Variants in SORCS3 observed in about 807,000 individuals in gnomAD.
The protein encoded by SORCS3 is sortilin related VPS10 domain containing receptor 3.
In SORCS3, 57 loss-of-function variants were observed where a neutral mutation model predicts 146.3. The ratio of observed to expected loss-of-function variants is 0.39; its 90% CI spans 0.31 to 0.49. The LOEUF is 0.49. SORCS3 is among the 20% of genes least tolerant of loss of function. The probability of loss-of-function intolerance (pLI) is 0.92; values close to 1 mark genes in which losing one functional copy is unlikely to be tolerated. For missense variants in SORCS3, 1,341 were observed against 1,575.5 expected, an observed-to-expected ratio of 0.85 and a Z score of 2.52; for synonymous variants, 653 against 618.5, an observed-to-expected ratio of 1.06 and a Z score of -0.83.
In SORCS3 at chr10:105,237,427, G is replaced by A. The variant is rs137919094; in HGVS notation, c.2869-8115G>A. The stretch of plus-strand genomic sequence containing the variant: ...ATTTGGAAGTATTAGTCACTGTTGT[G>A]CCCATCATTTGCATTAATAGCATTT... On this transcript the variant is annotated intron_variant, in intron 20 of 26. Transcript: ENST00000369701. 7.9e-5 allele frequency among the ~76,000 whole-genome samples: 12 copies of A among 152,288 alleles called. No individual in the cohort carries two copies. In the East Asian group the frequency reaches 1.2e-3, roughly 15 times the overall value.
intron 1 of SORCS3, among the ~76,000 whole-genome samples, chr10:104,840,934 C>T (rs1333941431): frequency 6.6e-6 from 1 of 151,526 alleles, no homozygotes. Context: ...AGCTTTTTTA[C>T]TTTTTCCAGA....
intron 4 of SORCS3, among the ~76,000 whole-genome samples, chr10:105,019,713 T>C (rs568145622): frequency 6.6e-6 from 1 of 152,322 alleles, no homozygotes; most frequent in Admixed American, 6.5e-5. Flanking sequence ...TGTTCCATGA[T>C]GCACATTTTG....
chr10:104,991,200 A>G (rs1173440386), intron 4 of SORCS3, among the ~76,000 whole-genome samples: 1 of 152,158 alleles, frequency 6.6e-6, no homozygotes, highest in African/African-American at 2.4e-5. Context: ...TGTTCTCTAT[A>G]TTGTTTACTT....
intron 1 of SORCS3, among the ~76,000 whole-genome samples, chr10:104,802,969 G>A (rs917854885): frequency 7.3e-6 from 1 of 137,418 alleles, no homozygotes; most frequent in Non-Finnish European, 1.6e-5. Flanking sequence ...GGTCCAGAGA[G>A]GGGAGGTAGT....
chr10:104,855,235 G>GTAAGCC (rs2018316868), intron 2 of SORCS3, among the ~76,000 whole-genome samples: 1 of 152,118 alleles, frequency 6.6e-6, no homozygotes, highest in Non-Finnish European at 1.5e-5. Flanking sequence ...TAGTGATATG[G>GTAAGCC]TAAGCCTTAA....
intron 1 of SORCS3, among the ~76,000 whole-genome samples, chr10:104,836,772 G>A (rs966199438): frequency 6.6e-6 from 1 of 151,800 alleles, no homozygotes; most frequent in African/African-American, 2.4e-5. Flanking sequence ...TGGATCCTGC[G>A]TATATCATGG....
intron 7 of SORCS3, among the ~76,000 whole-genome samples, chr10:105,126,757 G>T (rs1416609454): frequency 6.6e-6 from 1 of 152,106 alleles, no homozygotes; most frequent in African/African-American, 2.4e-5. Context: ...TGTCTTAGTT[G>T]TCCATCTACA....
chr10:104,654,325 C>T (rs1289278576), intron 1 of SORCS3, among the ~76,000 whole-genome samples: 18 of 152,110 alleles, frequency 1.2e-4, no homozygotes, highest in Admixed American at 1.1e-3. Flanking sequence ...TAACCAGCAG[C>T]GGGATTGCTG....
At chr10:105,222,123 A>AT (rs35689149) in intron 19 of SORCS3, among the ~76,000 whole-genome samples, 9,775 of 127,742 alleles carry the variant, frequency 0.077, 401 homozygotes, top group Middle Eastern at 0.28. Context: ...CAATGGTGCG[A>AT]TTTTGGCTCA....
At chr10:104,675,540 C>A (rs915879823) in intron 1 of SORCS3, among the ~76,000 whole-genome samples, 1 of 151,996 alleles carries the variant, frequency 6.6e-6, no homozygotes, top group Admixed American at 6.6e-5. Flanking sequence ...GTGATTCTTC[C>A]AGAATTTGTT....
At chr10:104,888,129 TAGTG>T (rs1252951950) in intron 2 of SORCS3, among the ~76,000 whole-genome samples, 6 of 152,238 alleles carry the variant, frequency 3.9e-5, no homozygotes, top group Non-Finnish European at 5.9e-5. Context: ...AGATTTCTTT[TAGTG>T]AGCATTGTAA....
At chr10:105,192,954 A>G (rs375718141) in intron 14 of SORCS3, among the ~76,000 whole-genome samples, 25 of 152,316 alleles carry the variant, frequency 1.6e-4, no homozygotes, top group African/African-American at 6.0e-4. Flanking sequence ...TCCTCTAATT[A>G]CATTTAGTGT....
intron 1 of SORCS3, among the ~76,000 whole-genome samples, chr10:104,718,429 C>G (rs2016505254): frequency 6.6e-6 from 1 of 152,154 alleles, no homozygotes; most frequent in Admixed American, 6.5e-5. Flanking sequence ...ATGACATAAT[C>G]ACCTCTTAAA....
At chr10:104,835,548 T>C (rs1434079370) in intron 1 of SORCS3, among the ~76,000 whole-genome samples, 2 of 152,222 alleles carry the variant, frequency 1.3e-5, no homozygotes, top group Non-Finnish European at 2.9e-5. Context: ...CTTCACTGAA[T>C]GTGCTCACAG....
At chr10:104,996,652 G>A (rs1001330282) in intron 4 of SORCS3, among the ~76,000 whole-genome samples, 1 of 152,072 alleles carries the variant, frequency 6.6e-6, no homozygotes, top group Admixed American at 6.6e-5. Context: ...TATCAAGATA[G>A]GCCATATTCT....
intron 1 of SORCS3, among the ~76,000 whole-genome samples, chr10:104,811,461 A>G (rs1479904470): frequency 6.6e-6 from 1 of 152,248 alleles, no homozygotes; most frequent in Non-Finnish European, 1.5e-5. Flanking sequence ...GAGCTTTCAC[A>G]CTTATTTTAC....
At chr10:104,837,189 C>G (rs2018080690) in intron 1 of SORCS3, among the ~76,000 whole-genome samples, 1 of 152,120 alleles carries the variant, frequency 6.6e-6, no homozygotes, top group South Asian at 2.1e-4. Context: ...TAAATGAGAC[C>G]TGATTTCTGA....
intron 4 of SORCS3, among the ~76,000 whole-genome samples, chr10:105,011,526 T>A (rs909270744): frequency 1.3e-5 from 2 of 152,050 alleles, no homozygotes; most frequent in African/African-American, 4.8e-5. Flanking sequence ...GCTGAGTAGG[T>A]TATGATGTTT....
At chr10:105,071,945 C>T (rs1381484266) in intron 5 of SORCS3, among the ~76,000 whole-genome samples, 1 of 152,128 alleles carries the variant, frequency 6.6e-6, no homozygotes, top group Non-Finnish European at 1.5e-5. Flanking sequence ...CATGTTGCAT[C>T]ACTTCAGATA....
Sources: allele counts gnomAD v4.1 joint callset (sites outside exome capture counted in the v4.1 genomes callset), GRCh38; gene constraint gnomAD v4.1.1; transcripts MANE v1.5; gene names NCBI Gene and HGNC (gene_info 2026-07-23, HGNC 2026-07-21).